The following PARVB variants were observed in gnomAD, a reference collection of about 807,000 sequenced individuals.
PARVB encodes the protein parvin beta.
PARVB carries 46 observed loss-of-function variants against 47.0 expected under a neutral mutation model. The ratio of observed to expected loss-of-function variants is 0.98; its 90% confidence interval spans 0.77 to 1.25. The LOEUF is 1.25. PARVB is among the 50% of genes most tolerant of loss of function. The pLI, the probability that PARVB is intolerant of heterozygous loss-of-function variation, is 0.00. For synonymous variants in PARVB, 196 were observed against 196.3 expected, an observed-to-expected ratio of 1.00 and a Z score of 0.01; for missense variants, 473 against 471.6, an observed-to-expected ratio of 1.00 and a Z score of -0.03.
intron 1 of PARVB, among the ~76,000 whole-genome samples, chr22:44,075,700 G>A (rs2051755899): frequency 6.6e-6 from 1 of 152,242 alleles, no homozygotes; most frequent in Non-Finnish European, 1.5e-5. Flanking sequence ...ACTGTCTGCA[G>A]CCTTTTCAGA....
At position 44,037,040 on chromosome 22, in the gene PARVB, A is replaced by G. The variant is rs1396239983; in HGVS notation, c.112+12589A>G. Among the ~76,000 whole-genome samples, 4 of 151,698 alleles carry G rather than the reference A, an allele frequency of 2.6e-5. No individual in the cohort carries two copies. The East Asian group carries it at 7.7e-4, about 29-fold the overall frequency. ...AAGTGAGGGTAAAAGTTAAAGGAAG[A>G]TTAAAAACAAAAAAAAAATGCTTAT... On this transcript the variant is annotated intron_variant, in intron 1 of 12. Coordinates refer to ENST00000338758, the MANE Select transcript of PARVB (RefSeq NM_013327.5).
chr22:44,100,280 C>T (rs563388679), intron 3 of PARVB, among the ~76,000 whole-genome samples, 157 bp downstream of exon 3: 48 of 152,194 alleles, frequency 3.2e-4, no homozygotes, highest in African/African-American at 9.9e-4. Context: ...CAGAGGAGGA[C>T]GGCAGAGAGG....
At chr22:44,161,904 A>T (rs1297562431) in intron 11 of PARVB, among the ~76,000 whole-genome samples, 5 of 152,206 alleles carry the variant, frequency 3.3e-5, no homozygotes, top group African/African-American at 1.2e-4. Flanking sequence ...ATCTCCAGGC[A>T]GGCTGTCCTG....
intron 1 of PARVB, among the ~76,000 whole-genome samples, chr22:44,085,255 C>T (rs753218475): frequency 3.7e-4 from 57 of 152,326 alleles, no homozygotes; most frequent in Non-Finnish European, 7.9e-4. Flanking sequence ...ATGTACACCA[C>T]CACACCCAGC....
Position 44,024,884 on chromosome 22 carries a change from G to T in PARVB, c.112+433G>T, listed in dbSNP as rs139810976. ...ACCCACTACTGGGTGTTGCGCGGGC[G>T]CCCTGCAGGGTGCGGGGCTCAGGGC... On this transcript the variant is annotated intron_variant, in intron 1 of 12. Coordinates refer to ENST00000338758, the MANE Select transcript of PARVB (RefSeq NM_013327.5). Among the ~76,000 whole-genome samples, 895 of 152,332 alleles carry T rather than the reference G, an allele frequency of 5.9e-3. 3 individuals are homozygous for T. The highest frequency in any genetic ancestry group is 0.01 in the Non-Finnish European group (691 of 68,010).
chr22:44,077,679 G>A (rs943691966), intron 1 of PARVB, among the ~76,000 whole-genome samples: 3 of 152,132 alleles, frequency 2.0e-5, no homozygotes, highest in Admixed American at 6.5e-5. Flanking sequence ...AGAACCACAC[G>A]TCATTGCCCA....
Position 44,164,689 on chromosome 22 carries a change from C to T in PARVB, c.1018+759C>T, listed in dbSNP as rs73888885. ...AGACACTGTGGTTTAGTGCCCTGGG[C>T]CCCCACTTTGACCGTGGCCCCCTAC... On this transcript the variant is annotated intron_variant, in intron 12 of 12. Transcript: ENST00000338758. Among the ~76,000 whole-genome samples the T allele has an allele frequency of 8.5e-3, 1,290 of 152,266 alleles. 21 individuals carry two copies. Among genetic ancestry groups the T allele is most frequent in the African/African-American group, 0.03 (1,227 of 41,550 alleles).
intron 1 of PARVB, chr22:44,039,756 A>G (rs1244316312): frequency 4.9e-6 from 2 of 412,196 alleles, no homozygotes; most frequent in Non-Finnish European, 9.8e-6. Flanking sequence ...GAGACTCTCA[A>G]AACCACTATG....
chr22:44,136,065 C>T lies in PARVB; in HGVS notation c.634-395C>T, dbSNP rs139341712. Among the ~76,000 whole-genome samples the T allele has an allele frequency of 7.1e-4, 108 of 152,328 alleles. 3 individuals carry two copies. In the East Asian group the frequency reaches 0.012, roughly 17 times the overall value. ...GGGGGACCCTCTTCAGTCCCGTGCA[C>T]ACACATGATTGCAGGGGATGTTCCC... On this transcript the variant is annotated intron_variant, in intron 6 of 12. Transcript: ENST00000338758.
chr22:44,100,578 T>C (rs1311966269), intron 3 of PARVB, among the ~76,000 whole-genome samples: 2 of 151,948 alleles, frequency 1.3e-5, no homozygotes, highest in Non-Finnish European at 2.9e-5. Context: ...GGACAGTCAG[T>C]TTCCACCACG....
At chr22:44,034,600 C>T (rs1416866263) in intron 1 of PARVB, among the ~76,000 whole-genome samples, 4 of 151,816 alleles carry the variant, frequency 2.6e-5, no homozygotes, top group Non-Finnish European at 5.9e-5. Context: ...GAAGTGTCTT[C>T]ATCCCTGTCT....
chr22:44,019,800 C>A (rs151209197), upstream of PARVB, among the ~76,000 whole-genome samples: 2,153 of 152,332 alleles, frequency 0.014, 26 homozygotes, highest in Non-Finnish European at 0.024. Context: ...ACACACCCCC[C>A]ATCAGGCCCG....
In PARVB at chr22:44,168,348, G is replaced by T. The variant is rs117484346; in HGVS notation, c.1019-254G>T. ...TGCAGATCCAGGAGGGGCTGTGGGA[G>T]TGTCTCTGTTCTTGTCACCCCAGGT... is the stretch of plus-strand genomic sequence containing the variant. On this transcript the variant is annotated intron_variant, in intron 12 of 12. Transcript: ENST00000338758. 397 of 459,802 alleles carry T rather than the reference G, an allele frequency of 8.6e-4. 4 individuals are homozygous for T. The East Asian group carries it at 0.012, about 14-fold the overall frequency. The allele number at this position is 459,802 out of a possible 1,614,324, so 28.5% of individuals were successfully genotyped here.
chr22:44,119,164 C>G, intron 4 of PARVB, 24 bp downstream of exon 4: 1 of 1,508,412 alleles, frequency 6.6e-7, no homozygotes, highest in Non-Finnish European at 9.2e-7. Context: ...AGGGACAGCT[C>G]TGTCCCACCC....
chr22:44,033,301 C>G (rs2050858113), intron 1 of PARVB, among the ~76,000 whole-genome samples: 1 of 152,204 alleles, frequency 6.6e-6, no homozygotes, highest in Admixed American at 6.5e-5. Context: ...CTCGGCCTCC[C>G]AAAGTGCTGG....
upstream of PARVB, among the ~76,000 whole-genome samples, chr22:44,023,285 C>A (rs1004593463): frequency 1.3e-5 from 2 of 151,670 alleles, no homozygotes; most frequent in African/African-American, 2.4e-5. Context: ...CCGAGGCAGG[C>A]GGATCACCTG....
chr22:44,080,177 T>C (rs1452155274), intron 1 of PARVB, among the ~76,000 whole-genome samples: 1 of 152,204 alleles, frequency 6.6e-6, no homozygotes, highest in Non-Finnish European at 1.5e-5. Flanking sequence ...CAAAGAATGT[T>C]CCAGGCTTTT....
At chr22:44,078,828 G>A (rs535250964) in intron 1 of PARVB, among the ~76,000 whole-genome samples, 31 of 152,288 alleles carry the variant, frequency 2.0e-4, no homozygotes, top group Non-Finnish European at 3.1e-4. Flanking sequence ...GGGTTCAAGC[G>A]ATTCTCCTGC....
intron 8 of PARVB, chr22:44,143,747 G>A (rs2053605157): frequency 6.6e-6 from 1 of 152,480 alleles, no homozygotes. Context: ...GGGGTTCCAG[G>A]GAGGTTGCAG....
Sources: allele counts gnomAD v4.1 joint callset (sites outside exome capture counted in the v4.1 genomes callset), GRCh38; gene constraint gnomAD v4.1.1; transcripts MANE v1.5; gene names NCBI Gene and HGNC (gene_info 2026-07-23, HGNC 2026-07-21).